SLC25A51: variants seen among roughly 807,000 people sequenced by gnomAD.
The protein encoded by SLC25A51 is mitochondrial nicotinamide adenine dinucleotide transporter SLC25A51.
In SLC25A51, 11 loss-of-function variants were observed where a neutral mutation model predicts 19.1. The ratio of observed to expected loss-of-function variants is 0.58; its 90% CI spans 0.36 to 0.96. SLC25A51 has a LOEUF of 0.96. Ranked by LOEUF, SLC25A51 falls within the 40% of genes least tolerant of loss-of-function variation. The pLI, the probability that SLC25A51 is intolerant of heterozygous loss-of-function variation, is 0.01. For synonymous variants in SLC25A51, 105 were observed against 133.6 expected, an observed-to-expected ratio of 0.79 and a Z score of 1.47; for missense variants, 201 against 365.4, an observed-to-expected ratio of 0.55 and a Z score of 3.67.
intron 2 of SLC25A51, 52 bp downstream of exon 2, chr9:37,899,777 C>T (rs1831803303): frequency 8.1e-6 from 1 of 123,764 alleles, no homozygotes; most frequent in African/African-American, 3.3e-5. Flanking sequence ...TACTGTAGAA[C>T]AATTTAAATC....
At chr9:37,897,156 A>G (rs751165875) in intron 2 of SLC25A51, among the ~76,000 whole-genome samples, 8 of 152,124 alleles carry the variant, frequency 5.3e-5, no homozygotes, top group Non-Finnish European at 1.0e-4. Flanking sequence ...AATTTTCTTC[A>G]CATAGATATT....
At chr9:37,897,152 C>T (rs1831733903) in intron 2 of SLC25A51, among the ~76,000 whole-genome samples, 1 of 152,114 alleles carries the variant, frequency 6.6e-6, no homozygotes, top group Non-Finnish European at 1.5e-5. Context: ...TTAAAATTTT[C>T]TTCACATAGA....
chr9:37,902,531 A>G (rs1206428541), intron 1 of SLC25A51, among the ~76,000 whole-genome samples: 2 of 152,230 alleles, frequency 1.3e-5, no homozygotes, highest in African/African-American at 4.8e-5. Flanking sequence ...ATAGAAGGAT[A>G]ATGTGCACAG....
Position 37,891,402 on chromosome 9 carries a change from T to A in SLC25A51, c.-42-2810A>T, listed in dbSNP as rs1831582178. 2.0e-5 allele frequency among the ~76,000 whole-genome samples: 3 copies of A among 152,152 alleles called. No individual in the cohort carries two copies. The South Asian group carries it at 6.2e-4, about 32-fold the overall frequency. On this transcript the variant is annotated intron_variant, in intron 2 of 2. Coordinates refer to ENST00000242275, the MANE Select transcript of SLC25A51 (RefSeq NM_033412.4). ...ACGGGCCATGATGACGATGGCGGTT[T>A]TGTCGAATAGAAAAGGGGGAAATGT... is the stretch of plus-strand genomic sequence containing the variant.
chr9:37,891,714 A>G (rs985937825), intron 2 of SLC25A51, among the ~76,000 whole-genome samples: 4 of 152,152 alleles, frequency 2.6e-5, no homozygotes, highest in African/African-American at 9.7e-5. Flanking sequence ...CGACACAAAC[A>G]CTGCGGAAGG....
At chr9:37,885,359 A>AC (rs1250160240), downstream of SLC25A51, among the ~76,000 whole-genome samples, 1 of 151,310 alleles carries the variant, frequency 6.6e-6, no homozygotes, top group African/African-American at 2.4e-5. Context: ...AAAAAAAAAA[A>AC]AAAAAAAAAC....
chr9:37,892,551 A>G (rs924759347), intron 2 of SLC25A51, among the ~76,000 whole-genome samples: 3 of 151,922 alleles, frequency 2.0e-5, no homozygotes, highest in Non-Finnish European at 1.5e-5. Flanking sequence ...TATATACAAT[A>G]CTACATTATA....
chr9:37,884,191 A>G (rs1219106070), downstream of SLC25A51, among the ~76,000 whole-genome samples: 1 of 152,214 alleles, frequency 6.6e-6, no homozygotes. Flanking sequence ...TGCATAATCC[A>G]CTTTTTCAGT....
chr9:37,881,019 C>G (rs1831339106), intron 3 of SLC25A51, among the ~76,000 whole-genome samples: 1 of 152,102 alleles, frequency 6.6e-6, no homozygotes, highest in African/African-American at 2.4e-5. Flanking sequence ...CAATCCAAAA[C>G]AGGACTTTTA....
chr9:37,882,393 A>G (rs1831366133), intron 2 of SLC25A51, among the ~76,000 whole-genome samples: 1 of 152,276 alleles, frequency 6.6e-6, no homozygotes, highest in Admixed American at 6.5e-5. Context: ...ATCGACCACC[A>G]TTATTCCCTT....
Position 37,899,838 on chromosome 9 carries a change from C to G in SLC25A51, c.-52G>C, listed in dbSNP as rs1256403664. 1 of 154,312 alleles carries G rather than the reference C, an allele frequency of 6.5e-6. No individual in the cohort carries two copies. Among genetic ancestry groups the G allele is most frequent in the East Asian group, 2.0e-4 (1 of 4,900 alleles). 9.6% of individuals were successfully genotyped at this position (154,312 alleles called of 1,614,324 possible). A position where few individuals can be genotyped will look rare whatever the true frequency, so the allele number is the denominator to read the frequency against. ...GTTTAATTGCATTCACCTGTGACAT[C>G]TGAGCCTGGAGTTTGGCAGGATGAT... On this transcript the variant is annotated 5_prime_UTR_variant, in exon 2 of 3. Transcript: ENST00000242275.
At chr9:37,896,951 G>A (rs1277633120) in intron 2 of SLC25A51, among the ~76,000 whole-genome samples, 1 of 152,132 alleles carries the variant, frequency 6.6e-6, no homozygotes, top group African/African-American at 2.4e-5. Flanking sequence ...GGAGATAAGT[G>A]CAATCATAGA....
downstream of SLC25A51, among the ~76,000 whole-genome samples, chr9:37,886,840 C>T (rs147983378): frequency 1.6e-3 from 249 of 152,232 alleles, 1 homozygote; most frequent in African/African-American, 5.3e-3. Flanking sequence ...TTCCTTAAGC[C>T]CTTCTGGCTT....
At chr9:37,896,083 G>A (rs974746587) in intron 2 of SLC25A51, among the ~76,000 whole-genome samples, 4 of 152,058 alleles carry the variant, frequency 2.6e-5, no homozygotes, top group South Asian at 4.1e-4. Flanking sequence ...CAAAGTGCTC[G>A]GATTACAGGC....
chr9:37,903,878 A>C (rs886110607), intron 1 of SLC25A51, 190 bp downstream of exon 1: 10 of 152,300 alleles, frequency 6.6e-5, no homozygotes, highest in Non-Finnish European at 2.9e-5. Flanking sequence ...GAGGAGGCTC[A>C]GAACTGATTC....
chr9:37,892,883 G>A (rs1248902554), intron 2 of SLC25A51, among the ~76,000 whole-genome samples: 1 of 152,078 alleles, frequency 6.6e-6, no homozygotes, highest in Non-Finnish European at 1.5e-5. Flanking sequence ...GGGATTACAA[G>A]TGCGCACCAC....
downstream of SLC25A51, among the ~76,000 whole-genome samples, chr9:37,884,505 G>A (rs937393254): frequency 5.3e-5 from 8 of 152,316 alleles, no homozygotes; most frequent in African/African-American, 1.9e-4. Flanking sequence ...ACACTGTGAG[G>A]TGAAAACTAT....
downstream of SLC25A51, among the ~76,000 whole-genome samples, chr9:37,887,272 G>A (rs369051788): frequency 4.0e-5 from 6 of 151,058 alleles, no homozygotes; most frequent in African/African-American, 4.9e-5. Flanking sequence ...AGCCAAGATC[G>A]TGCCACTGCA....
At chr9:37,885,950 G>C (rs748411587), downstream of SLC25A51, 10 of 1,613,362 alleles carry the variant, frequency 6.2e-6, no homozygotes, top group Non-Finnish European at 8.5e-6. Flanking sequence ...TGAGGAACTA[G>C]AACGGGACAA....
Sources: gnomAD v4.1 joint callset for allele counts (sites outside exome capture counted in the v4.1 genomes callset) on GRCh38, gnomAD v4.1.1 for gene constraint, MANE v1.5 for transcripts, NCBI Gene and HGNC (gene_info 2026-07-23, HGNC 2026-07-21) for gene names.